RAD51: variants seen among roughly 807,000 people sequenced by gnomAD.
RAD51 encodes DNA repair protein RAD51 homolog 1.
A neutral mutation model predicts 41.5 loss-of-function variants in RAD51; 14 were observed. The observed-to-expected ratio is 0.34, with a 90% CI of 0.22 to 0.53. The LOEUF (loss-of-function observed/expected upper bound fraction) is 0.53, where lower values mean the gene tolerates loss of function less well. RAD51 is among the 20% of genes least tolerant of loss of function. The pLI, the probability that RAD51 is intolerant of heterozygous loss-of-function variation, is 0.95. For synonymous variants in RAD51, 136 were observed against 148.6 expected, an observed-to-expected ratio of 0.92 and a Z score of 0.62; for missense variants, 234 against 422.0, an observed-to-expected ratio of 0.55 and a Z score of 3.90.
intron 5 of RAD51, among the ~76,000 whole-genome samples, chr15:40,713,271 C>T (rs1317971917): frequency 4.5e-5 from 6 of 133,778 alleles, no homozygotes; most frequent in African/African-American, 8.4e-5. Flanking sequence ...TTATTTGAGA[C>T]GGAGTCTCTG....
Position 40,701,343 on chromosome 15 carries a change from CTTCTTTTCTTTTCTTTTCT to C in RAD51, c.225+145_225+163del, listed in dbSNP as rs1446118852. The C allele has an allele frequency of 5.0e-6, 4 of 802,362 alleles. No individual in the cohort carries two copies. In the African/African-American group the frequency reaches 7.3e-5, roughly 15 times the overall value. The allele number at this position is 802,362 out of a possible 1,614,324, so 49.7% of individuals were successfully genotyped here. On this transcript the variant is annotated intron_variant, in intron 3 of 9. Coordinates refer to ENST00000267868, the MANE Select transcript of RAD51 (RefSeq NM_002875.5). ...GGGGTGACTGTTACCTGTTTCTTTT[CTTCTTTTCTTTTCTTTTCT>C]TTTTTTTTTCTTTCTTTTTTTTTTT...
At chr15:40,718,962 G>C in intron 6 of RAD51, 63 bp downstream of exon 6, 1 of 1,469,000 alleles carries the variant, frequency 6.8e-7, no homozygotes, top group Admixed American at 1.7e-5. Flanking sequence ...GATTGCCAGG[G>C]TTAGTTTGGC....
chr15:40,727,278 T>C lies in RAD51; in HGVS notation c.531-1433T>C, dbSNP rs117860767. Among the ~76,000 whole-genome samples, 221 of 151,458 alleles carry C rather than the reference T, an allele frequency of 1.5e-3. 2 individuals are homozygous for C. The East Asian group carries it at 0.026, about 18-fold the overall frequency. ...TGCCCAGCCTTTTCTCCCTTTCTGA[T>C]AGTAGATTATATCAGTGTATTTTTT... On this transcript the variant is annotated intron_variant, in intron 6 of 9. Transcript: ENST00000267868.
intron 6 of RAD51, among the ~76,000 whole-genome samples, chr15:40,726,287 A>G (rs1280358117): frequency 3.6e-5 from 5 of 140,228 alleles, no homozygotes; most frequent in East Asian, 2.1e-4. Context: ...CTTGTCTCCC[A>G]GGCTGCCAGG....
At chr15:40,721,462 T>C (rs1447148610) in intron 6 of RAD51, among the ~76,000 whole-genome samples, 2 of 152,200 alleles carry the variant, frequency 1.3e-5, no homozygotes, top group African/African-American at 4.8e-5. Flanking sequence ...ATGAAACCTT[T>C]ATGGTCACTT....
intron 7 of RAD51, among the ~76,000 whole-genome samples, chr15:40,729,248 C>T (rs1896746503): frequency 6.6e-6 from 1 of 151,816 alleles, no homozygotes; most frequent in African/African-American, 2.4e-5. Context: ...TGGCGGGCGC[C>T]TGTAGTCCCA....
At chr15:40,707,695 TG>T (rs1483127185) in intron 4 of RAD51, among the ~76,000 whole-genome samples, 2 of 152,164 alleles carry the variant, frequency 1.3e-5, no homozygotes, top group East Asian at 1.9e-4. Flanking sequence ...AAATTTCGTA[TG>T]TTTTTTTTTG....
intron 3 of RAD51, chr15:40,701,880 T>C: frequency 2.6e-6 from 1 of 381,620 alleles, no homozygotes; most frequent in Admixed American, 2.9e-5. Context: ...GCCTCTCAGG[T>C]TCAAGTGATT....
chr15:40,707,555 C>T (rs1459852146), intron 4 of RAD51, among the ~76,000 whole-genome samples: 1 of 152,142 alleles, frequency 6.6e-6, no homozygotes, highest in Non-Finnish European at 1.5e-5. Context: ...GATCTACCCG[C>T]CTCAGCCTCC....
At chr15:40,722,787 G>C (rs1479127045) in intron 6 of RAD51, among the ~76,000 whole-genome samples, 1 of 152,086 alleles carries the variant, frequency 6.6e-6, no homozygotes, top group Non-Finnish European at 1.5e-5. Flanking sequence ...CTTGGGGTAG[G>C]CAAAGATTTA....
intron 7 of RAD51, among the ~76,000 whole-genome samples, chr15:40,729,245 C>T (rs966534135): frequency 5.9e-5 from 9 of 151,490 alleles, no homozygotes; most frequent in African/African-American, 1.7e-4. Flanking sequence ...TGGTGGCGGG[C>T]GCCTGTAGTC....
chr15:40,697,600 C>T (rs1231772956), intron 1 of RAD51, among the ~76,000 whole-genome samples: 35 of 98,114 alleles, frequency 3.6e-4, no homozygotes, highest in African/African-American at 1.5e-3. Context: ...TTTTTTGAGA[C>T]GGAGTCTCAC....
At chr15:40,697,484 C>G (rs753623539) in intron 1 of RAD51, among the ~76,000 whole-genome samples, 30 of 150,950 alleles carry the variant, frequency 2.0e-4, no homozygotes, top group Non-Finnish European at 3.7e-4. Context: ...TTCAAGAAAT[C>G]TTTTTCTGTC....
In RAD51 at chr15:40,701,376, C is replaced by CT. The variant is rs57054958; in HGVS notation, c.225+190dup. The stretch of plus-strand genomic sequence containing the variant: ...CTTTTCTTTTCTTTTTTTTTTCTTT[C>CT]TTTTTTTTTTTTTTTGGAGACGGGT... On this transcript the variant is annotated intron_variant, in intron 3 of 9. Coordinates refer to ENST00000267868, the MANE Select transcript of RAD51 (RefSeq NM_002875.5). Among the ~76,000 whole-genome samples, 541 of 109,934 alleles carry CT rather than the reference C, an allele frequency of 4.9e-3. 4 individuals carry two copies. The highest frequency in any genetic ancestry group is 0.014 in the African/African-American group (397 of 29,066). The allele number at this position is 109,934 out of a possible 152,430, so 72.1% of individuals were successfully genotyped here. A position where few individuals can be genotyped will look rare whatever the true frequency, so the allele number is the denominator to read the frequency against.
intron 5 of RAD51, among the ~76,000 whole-genome samples, chr15:40,709,319 C>T (rs577391067): frequency 2.2e-4 from 33 of 150,530 alleles, no homozygotes; most frequent in Admixed American, 1.6e-3. Context: ...CTATCAGATA[C>T]GTTAATTTCA....
At chr15:40,696,232 C>T (rs919428171) in intron 1 of RAD51, among the ~76,000 whole-genome samples, 2 of 151,864 alleles carry the variant, frequency 1.3e-5, no homozygotes, top group Non-Finnish European at 2.9e-5. Context: ...ATGTAATATA[C>T]ATGTAGAAAA....
chr15:40,722,735 CTA>C (rs1896344266), intron 6 of RAD51, among the ~76,000 whole-genome samples: 2 of 152,118 alleles, frequency 1.3e-5, no homozygotes, highest in South Asian at 4.1e-4. Context: ...AAGAGCCTAA[CTA>C]TAATTTTTCA....
chr15:40,699,495 A>G (rs1894852714), intron 2 of RAD51, among the ~76,000 whole-genome samples: 2 of 152,164 alleles, frequency 1.3e-5, no homozygotes, highest in South Asian at 2.1e-4. Context: ...TGTGTTGACC[A>G]TGTTGATCTT....
At position 40,700,928 on chromosome 15, in the gene RAD51, C is replaced by G. The variant is rs184057373; in HGVS notation, c.88-136C>G. ...CTGGAACCAACTTCCCATCTCCCCC[C>G]GCCCCCCCAAGGATTTCAAGGGACA... On this transcript the variant is annotated intron_variant, in intron 2 of 9. Coordinates refer to ENST00000267868, the MANE Select transcript of RAD51 (RefSeq NM_002875.5). 71 of 810,840 alleles carry G rather than the reference C, an allele frequency of 8.8e-5. No homozygotes were observed. In the African/African-American group the frequency reaches 1.2e-3, roughly 14 times the overall value. The allele number at this position is 810,840 out of a possible 1,614,324, so 50.2% of individuals were successfully genotyped here.
Sources: gnomAD v4.1 joint callset for allele counts (sites outside exome capture counted in the v4.1 genomes callset) on GRCh38, gnomAD v4.1.1 for gene constraint, MANE v1.5 for transcripts, NCBI Gene and HGNC (gene_info 2026-07-23, HGNC 2026-07-21) for gene names.